The following LIPI variants were observed in gnomAD, a reference collection of about 807,000 sequenced individuals.
LIPI encodes lipase I.
LIPI carries 59 observed loss-of-function variants against 50.6 expected under a neutral mutation model. The observed-to-expected ratio is 1.16, with a 90% confidence interval of 0.94 to 1.45. The LOEUF (loss-of-function observed/expected upper bound fraction) is 1.45. Among genes scored for constraint, LIPI ranks in the 40% most tolerant of loss-of-function variants. The probability of loss-of-function intolerance (pLI) is 0.00; values close to 1 mark genes in which losing one functional copy is unlikely to be tolerated. For missense variants in LIPI, 586 were observed against 536.3 expected, an observed-to-expected ratio of 1.09 and a Z score of -0.92; for synonymous variants, 203 against 178.2, an observed-to-expected ratio of 1.14 and a Z score of -1.11.
intron 8 of LIPI, among the ~76,000 whole-genome samples, chr21:14,147,350 T>A (rs761840874): frequency 6.6e-6 from 1 of 152,188 alleles, no homozygotes; most frequent in Non-Finnish European, 1.5e-5. Context: ...TATAATTTTA[T>A]AATTATTTGA....
chr21:14,210,941 G>T lies in LIPI; in HGVS notation c.-96C>A. ...CTCTTTGGTAGGATCATCACAGGCT[G>T]GCAGGTTCTTCTGTAAAAGTTCACT... is the stretch of plus-strand genomic sequence containing the variant. On this transcript the variant is annotated 5_prime_UTR_variant, in exon 1 of 10. Transcript: ENST00000681601. The T allele has an allele frequency of 9.2e-7, 1 of 1,087,310 alleles. No individual in the cohort carries two copies. The highest frequency in any genetic ancestry group is 2.4e-5 in the South Asian group (1 of 42,330). The allele number at this position is 1,087,310 out of a possible 1,614,324, so 67.4% of individuals were successfully genotyped here.
Position 14,189,256 on chromosome 21 carries a change from G to A in LIPI, c.210C>T (p.Phe70=), listed in dbSNP as rs1484310793. Residue 70 remains phenylalanine, a synonymous_variant, in exon 2 of 10, where the codon TTC becomes TTT. Coordinates refer to ENST00000681601, the MANE Select transcript of LIPI (RefSeq NM_001302998.2). ...GCCAGACTGTTTTCTTTTGTGTGTT[G>A]AAATTAACATTAAGTGAGTTATTTT... ...FEQNNSLNVN[F]NTQKKTVWLI... is the part of the protein sequence containing the mutation. 2 of 1,613,784 alleles carry A rather than the reference G, an allele frequency of 1.2e-6. No homozygotes were observed. Among genetic ancestry groups the A allele is most frequent in the Non-Finnish European group, 1.7e-6 (2 of 1,179,838 alleles).
chr21:14,151,521 C>T (rs1018240259), intron 8 of LIPI, among the ~76,000 whole-genome samples: 3 of 152,092 alleles, frequency 2.0e-5, no homozygotes, highest in African/African-American at 7.2e-5. Context: ...CTCTGTCTAT[C>T]CACAACAAAA....
chr21:14,173,991 A>C (rs191077790), intron 4 of LIPI, among the ~76,000 whole-genome samples: 96 of 152,316 alleles, frequency 6.3e-4, no homozygotes, highest in African/African-American at 2.3e-3. Flanking sequence ...AAATAAGACC[A>C]AAAAGTTTTT....
At chr21:14,145,164 C>T (rs1446172689) in intron 8 of LIPI, among the ~76,000 whole-genome samples, 1 of 152,020 alleles carries the variant, frequency 6.6e-6, no homozygotes, top group Non-Finnish European at 1.5e-5. Flanking sequence ...TAACGGACAA[C>T]TTAAAAATAT....
intron 4 of LIPI, among the ~76,000 whole-genome samples, chr21:14,175,877 A>G (rs986956121): frequency 1.3e-5 from 2 of 152,090 alleles, no homozygotes; most frequent in African/African-American, 4.8e-5. Flanking sequence ...CTTTCATTGT[A>G]TGGAAAGAAG....
Position 14,181,867 on chromosome 21 carries a change from G to T in LIPI, c.542-8C>A. 1.3e-6 allele frequency: 2 copies of T among 1,530,788 alleles called. No homozygotes were observed. Among genetic ancestry groups the T allele is most frequent in the Non-Finnish European group, 1.8e-6 (2 of 1,105,332 alleles). The allele number at this position is 1,530,788 out of a possible 1,614,324, so 94.8% of individuals were successfully genotyped here. On this transcript the variant is annotated splice_region_variant and splice_polypyrimidine_tract_variant and intron_variant, in intron 3 of 9. Coordinates refer to ENST00000681601, the MANE Select transcript of LIPI (RefSeq NM_001302998.2). The stretch of plus-strand genomic sequence containing the variant: ...GCCCAGCAGGGTCAAGACCTGGAAA[G>T]CAAGAAAGAAATAATCAGTCTCATC...
rs1380728617 is a variant in LIPI at position 14,167,989 on chromosome 21, AC to A, written c.644-1539del. 3.3e-5 allele frequency among the ~76,000 whole-genome samples: 5 copies of A among 152,324 alleles called. 1 individual carries two copies. In the South Asian group the frequency reaches 8.3e-4, roughly 25 times the overall value. On this transcript the variant is annotated intron_variant, in intron 4 of 9. Coordinates refer to ENST00000681601, the MANE Select transcript of LIPI (RefSeq NM_001302998.2). ...TGAAAAAAATTTAGACGAATGTATAACTAGAATAAGCCATACAGGGAAGTGC... is the reference window on the plus strand; with the variant it reads ...TGAAAAAAATTTAGACGAATGTATAATAGAATAAGCCATACAGGGAAGTGC...
intron 7 of LIPI, among the ~76,000 whole-genome samples, chr21:14,163,099 T>C (rs1234804331): frequency 1.3e-5 from 2 of 151,462 alleles, no homozygotes; most frequent in Non-Finnish European, 3.0e-5. Flanking sequence ...ACTGTATATA[T>C]ATATATATAT....
At chr21:14,135,943 C>G (rs1287604478) in intron 9 of LIPI, among the ~76,000 whole-genome samples, 1 of 152,164 alleles carries the variant, frequency 6.6e-6, no homozygotes, top group Non-Finnish European at 1.5e-5. Flanking sequence ...GTGGGGAGGA[C>G]TTTGTCTTGC....
At chr21:14,201,504 A>C (rs1354663103) in intron 1 of LIPI, among the ~76,000 whole-genome samples, 1 of 152,172 alleles carries the variant, frequency 6.6e-6, no homozygotes, top group Non-Finnish European at 1.5e-5. Flanking sequence ...AGTGGGCTTC[A>C]TCCCTGGCAT....
intron 8 of LIPI, among the ~76,000 whole-genome samples, chr21:14,148,626 G>A (rs1021421132): frequency 6.6e-6 from 1 of 152,012 alleles, no homozygotes; most frequent in Admixed American, 6.6e-5. Context: ...ATTGCTTCTA[G>A]GTTATAAACC....
rs79776703 is a variant in LIPI at position 14,205,744 on chromosome 21, G to T, written c.46+5056C>A. 9.1e-3 allele frequency among the ~76,000 whole-genome samples: 1,378 copies of T among 151,970 alleles called. 15 individuals carry two copies. Among genetic ancestry groups the T allele is most frequent in the African/African-American group, 0.031 (1,275 of 41,472 alleles). ...TTAATGAGAAAAAATAGATTTAATA[G>T]ACTTCAGTTAATTAAGAATAAAAAT... On this transcript the variant is annotated intron_variant, in intron 1 of 9. Coordinates refer to ENST00000681601, the MANE Select transcript of LIPI (RefSeq NM_001302998.2).
At chr21:14,112,147 G>A (rs1225202345) in intron 9 of LIPI, among the ~76,000 whole-genome samples, 1 of 151,826 alleles carries the variant, frequency 6.6e-6, no homozygotes, top group East Asian at 1.9e-4. Context: ...TTTTTAAATG[G>A]GTGAATTTAT....
At position 14,165,352 on chromosome 21, in the gene LIPI, G is replaced by T; in HGVS notation, c.772C>A (p.His258Asn). The change falls in exon 6 of 10, where the codon CAC becomes AAC. Residue 258 changes from histidine to asparagine, a missense_variant. Coordinates refer to ENST00000681601, the MANE Select transcript of LIPI (RefSeq NM_001302998.2). ...GTTTCTAAAGATGCCATGAACAAGTGAACTGCTCTCTGGTGGTTGCATTTA... is the reference window on the plus strand; with the variant it reads ...GTTTCTAAAGATGCCATGAACAAGTTAACTGCTCTCTGGTGGTTGCATTTA... ...FIKCNHQRAV[H>N]LFMASLETNC... 1 of 1,612,234 alleles carries T rather than the reference G, an allele frequency of 6.2e-7. No individual in the cohort carries two copies. The highest frequency in any genetic ancestry group is 1.1e-5 in the South Asian group (1 of 90,972).
chr21:14,138,968 G>A (rs2017607441), intron 9 of LIPI, among the ~76,000 whole-genome samples: 1 of 151,960 alleles, frequency 6.6e-6, no homozygotes, highest in Admixed American at 6.6e-5. Flanking sequence ...AGGAAAATGA[G>A]GCACAGAAAG....
At chr21:14,170,901 A>G (rs1405423273) in intron 4 of LIPI, among the ~76,000 whole-genome samples, 1 of 151,856 alleles carries the variant, frequency 6.6e-6, no homozygotes, top group Non-Finnish European at 1.5e-5. Flanking sequence ...AGGGTATTCA[A>G]TTAGGAAAAG....
intron 7 of LIPI, 57 bp from the exon 8 acceptor site, chr21:14,152,741 T>C: frequency 1.2e-6 from 1 of 828,696 alleles, no homozygotes. Flanking sequence ...TTGGTTTTGG[T>C]ACATATTCAG....
intron 9 of LIPI, among the ~76,000 whole-genome samples, chr21:14,126,613 T>G (rs528100945): frequency 6.6e-6 from 1 of 152,220 alleles, no homozygotes; most frequent in South Asian, 2.1e-4. Context: ...GTATAGCAAC[T>G]ATTTATATAT....
Sources: allele counts gnomAD v4.1 joint callset (sites outside exome capture counted in the v4.1 genomes callset), GRCh38; gene constraint gnomAD v4.1.1; transcripts MANE v1.5; gene names NCBI Gene and HGNC (gene_info 2026-07-23, HGNC 2026-07-21).